The following RFX3 variants were observed in gnomAD, a reference collection of about 807,000 sequenced individuals.
RFX3 encodes the protein regulatory factor X3.
A neutral mutation model predicts 98.6 loss-of-function variants in RFX3; 14 were observed. The ratio of observed to expected loss-of-function variants is 0.14; its 90% CI spans 0.09 to 0.22. The LOEUF is 0.22. Among genes scored for constraint, RFX3 ranks in the 10% least tolerant of loss-of-function variants. RFX3 has a pLI of 1.00. For missense variants in RFX3, 639 were observed against 926.9 expected (o/e 0.69, Z 4.03); for synonymous variants, 383 against 328.4 (o/e 1.17, Z -1.80).
chr9:3,249,710 G>A (rs77253997), intron 14 of RFX3, among the ~76,000 whole-genome samples: 16,445 of 151,894 alleles, frequency 0.11, 898 homozygotes, highest in Middle Eastern at 0.21. Context: ...ACACAGACCC[G>A]GGTTACCACT....
At chr9:3,318,308 T>C (rs1481791253) in intron 4 of RFX3, among the ~76,000 whole-genome samples, 2 of 151,882 alleles carry the variant, frequency 1.3e-5, no homozygotes, top group African/African-American at 4.8e-5. Flanking sequence ...CACTCATAGG[T>C]GGGAACTGAA....
At chr9:3,229,577 A>G (rs629275) in intron 15 of RFX3, among the ~76,000 whole-genome samples, 117,690 of 152,214 alleles carry the variant, frequency 0.77, 48,545 homozygotes, top group East Asian at 0.97. Context: ...TAATTTTCCA[A>G]TGAGAAAACA....
intron 1 of RFX3, among the ~76,000 whole-genome samples, chr9:3,491,526 C>G (rs1397286562): frequency 2.6e-5 from 4 of 152,144 alleles, no homozygotes; most frequent in Non-Finnish European, 2.9e-5. Context: ...TCCATTACTT[C>G]TAATCCTTTT....
intron 1 of RFX3, among the ~76,000 whole-genome samples, chr9:3,438,288 C>T (rs1490852111): frequency 6.6e-6 from 1 of 152,044 alleles, no homozygotes; most frequent in Non-Finnish European, 1.5e-5. Flanking sequence ...ATGACCTGTA[C>T]AAATCCTCAG....
rs533553026 is a variant in RFX3, at chr9:3,287,347, C to T, written c.851+784G>A. Among the ~76,000 whole-genome samples, 3 of 151,962 alleles carry T rather than the reference C, an allele frequency of 2.0e-5. No individual in the cohort carries two copies. In the South Asian group the frequency reaches 6.2e-4, roughly 31 times the overall value. Reference sequence around the variant, plus strand: ...CACTTGAAAAGAAAAATCATAACTTCTGTCTTGGTTGAGCTATGCTGGTAA... The same window carrying T: ...CACTTGAAAAGAAAAATCATAACTTTTGTCTTGGTTGAGCTATGCTGGTAA... On this transcript the variant is annotated intron_variant, in intron 7 of 16. Transcript: ENST00000617270.
chr9:3,418,692 C>T (rs1183966457), intron 1 of RFX3, among the ~76,000 whole-genome samples: 1 of 152,050 alleles, frequency 6.6e-6, no homozygotes, highest in African/African-American at 2.4e-5. Context: ...ATACTTGAAG[C>T]TTATTAATCA....
At chr9:3,486,564 G>C (rs1016827160) in intron 1 of RFX3, among the ~76,000 whole-genome samples, 1 of 152,036 alleles carries the variant, frequency 6.6e-6, no homozygotes, top group African/African-American at 2.4e-5. Flanking sequence ...ATAAGCTATG[G>C]ACAAAATAAT....
chr9:3,459,292 C>A (rs1285494342), intron 1 of RFX3, among the ~76,000 whole-genome samples: 1 of 152,132 alleles, frequency 6.6e-6, no homozygotes. Flanking sequence ...ATGATTTATG[C>A]AACACATTTC....
intron 1 of RFX3, among the ~76,000 whole-genome samples, chr9:3,432,357 G>C (rs1258231540): frequency 6.6e-6 from 1 of 152,102 alleles, no homozygotes; most frequent in East Asian, 1.9e-4. Context: ...TCAATGGAAA[G>C]GACTGTCGAT....
At chr9:3,244,901 T>C (rs1238315268) in intron 15 of RFX3, among the ~76,000 whole-genome samples, 2 of 152,212 alleles carry the variant, frequency 1.3e-5, no homozygotes, top group Non-Finnish European at 1.5e-5. Context: ...ATTCCAATCA[T>C]GATAGCTTTG....
chr9:3,313,256 T>A (rs1830177830), intron 4 of RFX3, among the ~76,000 whole-genome samples: 1 of 152,044 alleles, frequency 6.6e-6, no homozygotes, highest in African/African-American at 2.4e-5. Flanking sequence ...ACAAACAGGG[T>A]CTGGAATGGA....
intron 2 of RFX3, among the ~76,000 whole-genome samples, chr9:3,387,882 C>T (rs920588313): frequency 6.6e-6 from 1 of 152,078 alleles, no homozygotes; most frequent in Non-Finnish European, 1.5e-5. Flanking sequence ...AAGCAAACCT[C>T]TTGACCCTGA....
intron 15 of RFX3, chr9:3,247,628 T>C: frequency 7.4e-7 from 1 of 1,349,598 alleles, no homozygotes; most frequent in Non-Finnish European, 9.5e-7. Flanking sequence ...ATCATTTACT[T>C]TGTTCTTGGA....
In RFX3 at chr9:3,425,639, T is replaced by C. The variant is rs182359382; in HGVS notation, c.-8-30043A>G. Reference sequence around the variant, plus strand: ...GTGGCACATTATAGTATATTCATACTGCTTGGGGTTTACTGAACTTACTGG... The same window carrying C: ...GTGGCACATTATAGTATATTCATACCGCTTGGGGTTTACTGAACTTACTGG... On this transcript the variant is annotated intron_variant, in intron 1 of 16. Transcript: ENST00000617270. Among the ~76,000 whole-genome samples, 132 of 152,340 alleles carry C rather than the reference T, an allele frequency of 8.7e-4. 2 individuals are homozygous for C. Among genetic ancestry groups the C allele is most frequent in the Non-Finnish European group, 1.3e-4 (9 of 68,026 alleles).
chr9:3,447,830 TG>T (rs1846181367), intron 1 of RFX3, among the ~76,000 whole-genome samples: 1 of 149,368 alleles, frequency 6.7e-6, no homozygotes, highest in Non-Finnish European at 1.5e-5. Flanking sequence ...CAAAAGTCTC[TG>T]AAATCTCCTA....
At chr9:3,478,437 G>C (rs1192622666) in intron 1 of RFX3, among the ~76,000 whole-genome samples, 1 of 115,758 alleles carries the variant, frequency 8.6e-6, no homozygotes, top group Non-Finnish European at 1.8e-5. Context: ...TTAGGATCTT[G>C]TTTTTATTTG....
At chr9:3,255,761 TATGTC>T (rs963530615) in intron 14 of RFX3, among the ~76,000 whole-genome samples, 1 of 152,198 alleles carries the variant, frequency 6.6e-6, no homozygotes, top group Non-Finnish European at 1.5e-5. Flanking sequence ...TCATTTGATA[TATGTC>T]ATGTAATCAG....
intron 2 of RFX3, among the ~76,000 whole-genome samples, chr9:3,394,273 C>A (rs1310352136): frequency 6.6e-6 from 1 of 152,066 alleles, no homozygotes; most frequent in Non-Finnish European, 1.5e-5. Flanking sequence ...ACCATCCTGG[C>A]TAACATGGTG....
At chr9:3,284,318 A>G (rs1317817483) in intron 7 of RFX3, among the ~76,000 whole-genome samples, 1 of 151,698 alleles carries the variant, frequency 6.6e-6, no homozygotes, top group Admixed American at 6.6e-5. Context: ...AAGAGGTGGA[A>G]ATTACTGATG....
Sources: allele counts gnomAD v4.1 joint callset (sites outside exome capture counted in the v4.1 genomes callset), GRCh38; gene constraint gnomAD v4.1.1; transcripts MANE v1.5; gene names NCBI Gene and HGNC (gene_info 2026-07-23, HGNC 2026-07-21).